The following HCN1 variants were observed in gnomAD, a reference collection of about 807,000 sequenced individuals.
HCN1 encodes the protein potassium/sodium hyperpolarization-activated cyclic nucleotide-gated channel 1.
A neutral mutation model predicts 78.9 loss-of-function variants in HCN1; 13 were observed. The ratio of observed to expected loss-of-function variants is 0.16; its 90% CI spans 0.11 to 0.26. HCN1 has a LOEUF of 0.26. Ranked by LOEUF, HCN1 falls within the 10% of genes least tolerant of loss-of-function variation. The probability of loss-of-function intolerance (pLI) is 1.00; values close to 1 mark genes in which losing one functional copy is unlikely to be tolerated. For synonymous variants in HCN1, 552 were observed against 455.5 expected (o/e 1.21, Z -2.70); for missense variants, 810 against 1,154.3 (o/e 0.70, Z 4.32).
At chr5:45,373,536 T>C (rs1041943770) in intron 4 of HCN1, among the ~76,000 whole-genome samples, 68 of 141,856 alleles carry the variant, frequency 4.8e-4, no homozygotes, top group African/African-American at 1.6e-3. Context: ...ACATACATTA[T>C]ATAGGTCATC....
chr5:45,587,421 C>A (rs1267990252), intron 2 of HCN1, among the ~76,000 whole-genome samples: 1 of 152,028 alleles, frequency 6.6e-6, no homozygotes, highest in African/African-American at 2.4e-5. Flanking sequence ...AAGCTGGAAA[C>A]CATCATTCTC....
chr5:45,535,912 T>C (rs2111814275), intron 2 of HCN1, among the ~76,000 whole-genome samples: 1 of 152,258 alleles, frequency 6.6e-6, no homozygotes, highest in East Asian at 1.9e-4. Flanking sequence ...AATCTCTCAG[T>C]TTTTGTCTAA....
At chr5:45,528,090 G>T (rs1263478814) in intron 2 of HCN1, among the ~76,000 whole-genome samples, 2 of 151,698 alleles carry the variant, frequency 1.3e-5, no homozygotes, top group South Asian at 4.2e-4. Flanking sequence ...GTAAATTTAG[G>T]GTAAGCAATG....
At chr5:45,618,244 G>A (rs981294521) in intron 2 of HCN1, among the ~76,000 whole-genome samples, 1 of 151,990 alleles carries the variant, frequency 6.6e-6, no homozygotes, top group Admixed American at 6.6e-5. Flanking sequence ...TGGAAGATAC[G>A]GGTGTGTGTT....
intron 1 of HCN1, among the ~76,000 whole-genome samples, chr5:45,653,601 T>C (rs2112044062): frequency 6.6e-6 from 1 of 152,120 alleles, no homozygotes; most frequent in East Asian, 1.9e-4. Context: ...AAATAGTATA[T>C]ATACTGCTGA....
At chr5:45,303,429 G>C (rs975776204) in intron 6 of HCN1, among the ~76,000 whole-genome samples, 170 bp downstream of exon 6, 1 of 152,074 alleles carries the variant, frequency 6.6e-6, no homozygotes, top group African/African-American at 2.4e-5. Flanking sequence ...CACACACATT[G>C]AGCCTGTGAC....
At chr5:45,272,252 T>TA (rs1484541729) in intron 6 of HCN1, among the ~76,000 whole-genome samples, 1 of 152,094 alleles carries the variant, frequency 6.6e-6, no homozygotes, top group African/African-American at 2.4e-5. Flanking sequence ...TCTGTGTGTA[T>TA]ATGTGTCTTT....
At chr5:45,647,879 C>G (rs1417668455) in intron 1 of HCN1, among the ~76,000 whole-genome samples, 1 of 152,186 alleles carries the variant, frequency 6.6e-6, no homozygotes, top group Non-Finnish European at 1.5e-5. Context: ...GTTTAGTTCT[C>G]ACACCTAAAT....
intron 2 of HCN1, among the ~76,000 whole-genome samples, chr5:45,548,246 CT>C (rs997559120): frequency 1.3e-5 from 2 of 151,480 alleles, no homozygotes; most frequent in African/African-American, 2.4e-5. Context: ...TATTACTTTA[CT>C]TTTTTTTCAC....
In HCN1 at chr5:45,500,171, T is replaced by A. The variant is rs185031629; in HGVS notation, c.850-38164A>T. 1.6e-3 allele frequency among the ~76,000 whole-genome samples: 247 copies of A among 151,960 alleles called. 1 individual carries two copies. The highest frequency in any genetic ancestry group is 2.1e-3 in the South Asian group (10 of 4,814). On this transcript the variant is annotated intron_variant, in intron 2 of 7. Coordinates refer to ENST00000303230, the MANE Select transcript of HCN1 (RefSeq NM_021072.4). ...TGACATTTAAAGAATTTGGGTAATT[T>A]AAAAAAAATAATTTTTCTTATTTTA...
intron 3 of HCN1, among the ~76,000 whole-genome samples, chr5:45,398,575 T>C (rs1739732252): frequency 6.6e-6 from 1 of 152,178 alleles, no homozygotes; most frequent in African/African-American, 2.4e-5. Context: ...GAATTGAATG[T>C]TAAATTTAAA....
intron 6 of HCN1, among the ~76,000 whole-genome samples, chr5:45,298,672 A>C (rs1485736722): frequency 6.6e-6 from 1 of 151,990 alleles, no homozygotes; most frequent in Non-Finnish European, 1.5e-5. Context: ...ATGAAAGAGA[A>C]TAGGTAAATT....
chr5:45,286,743 G>C (rs543186618), intron 6 of HCN1, among the ~76,000 whole-genome samples: 1 of 152,064 alleles, frequency 6.6e-6, no homozygotes, highest in Non-Finnish European at 1.5e-5. Flanking sequence ...AGATGTTGTT[G>C]TTGATGTGTT....
At chr5:45,450,042 AG>A (rs1486980879) in intron 3 of HCN1, among the ~76,000 whole-genome samples, 3 of 152,178 alleles carry the variant, frequency 2.0e-5, no homozygotes, top group African/African-American at 7.2e-5. Flanking sequence ...CATGTTAGCC[AG>A]GATGGTCTCA....
At position 45,454,679 on chromosome 5, in the gene HCN1, A is replaced by G. The variant is rs888372835; in HGVS notation, c.1011+7167T>C. Among the ~76,000 whole-genome samples, 11 of 152,142 alleles carry G rather than the reference A, an allele frequency of 7.2e-5. No homozygotes were observed. In the South Asian group the frequency reaches 2.3e-3, roughly 31 times the overall value. ...TTTTAGCTCATTTCTTCGTAATATT[A>G]CTTTGGCTATATTATGTCAATCAGT... is the stretch of plus-strand genomic sequence containing the variant. On this transcript the variant is annotated intron_variant, in intron 3 of 7. Transcript: ENST00000303230.
intron 2 of HCN1, among the ~76,000 whole-genome samples, chr5:45,621,555 C>G (rs892547733): frequency 1.3e-5 from 2 of 152,076 alleles, no homozygotes; most frequent in Middle Eastern, 3.2e-3. Flanking sequence ...TCTAATGGAG[C>G]TTTATTATTT....
chr5:45,622,113 G>A (rs528272764), intron 2 of HCN1, among the ~76,000 whole-genome samples: 8 of 151,970 alleles, frequency 5.3e-5, no homozygotes, highest in Admixed American at 2.6e-4. Context: ...TCTCAGCTAC[G>A]CAGGAGGCTG....
intron 5 of HCN1, among the ~76,000 whole-genome samples, chr5:45,343,800 GAATGAAAATCC>G (rs1056702517): frequency 1.3e-5 from 2 of 151,476 alleles, no homozygotes; most frequent in African/African-American, 4.8e-5. Context: ...CAAAGATACA[GAATGAAAATCC>G]AATGGCTCAG....
At chr5:45,658,737 T>G (rs1745846600) in intron 1 of HCN1, among the ~76,000 whole-genome samples, 1 of 151,942 alleles carries the variant, frequency 6.6e-6, no homozygotes, top group African/African-American at 2.4e-5. Context: ...AATATTGCAC[T>G]TTTCAGACCG....
Sources: gnomAD v4.1 joint callset for allele counts (sites outside exome capture counted in the v4.1 genomes callset) on GRCh38, gnomAD v4.1.1 for gene constraint, MANE v1.5 for transcripts, NCBI Gene and HGNC (gene_info 2026-07-23, HGNC 2026-07-21) for gene names.